The following SGCE variants were observed in gnomAD, a reference collection of about 807,000 sequenced individuals.
The protein encoded by SGCE is epsilon-sarcoglycan.
A neutral mutation model predicts 57.8 loss-of-function variants in SGCE; 26 were observed. The observed-to-expected ratio is 0.45, with a 90% CI of 0.33 to 0.62. The LOEUF is 0.62. SGCE is among the 20% of genes least tolerant of loss of function. The pLI is 0.02. For missense variants in SGCE, 468 were observed against 548.6 expected (o/e 0.85, Z 1.47); for synonymous variants, 183 against 189.5 (o/e 0.97, Z 0.28).
chr7:94,588,356 C>T, intron 10 of SGCE: 3 of 1,125,360 alleles, frequency 2.7e-6, no homozygotes, highest in Non-Finnish European at 3.3e-6. Flanking sequence ...TGAGACAAAT[C>T]CTGGATGCAT....
chr7:94,597,276 A>G (rs1308478582), intron 9 of SGCE: 1 of 152,206 alleles, frequency 6.6e-6, no homozygotes, highest in Non-Finnish European at 1.5e-5. Context: ...ACACATGCAC[A>G]TAAACAGGCA....
At chr7:94,637,779 C>A (rs1212578339) in intron 1 of SGCE, among the ~76,000 whole-genome samples, 1 of 152,114 alleles carries the variant, frequency 6.6e-6, no homozygotes, top group African/African-American at 2.4e-5. Context: ...AGAGGAAAGA[C>A]TGAAGAAAAG....
intron 5 of SGCE, among the ~76,000 whole-genome samples, chr7:94,607,435 G>A (rs1380789794): frequency 1.3e-5 from 2 of 152,244 alleles, no homozygotes; most frequent in African/African-American, 4.8e-5. Context: ...ATTCAACAAT[G>A]TATAAAAGGA....
chr7:94,647,398 C>T (rs2117079648), intron 1 of SGCE, among the ~76,000 whole-genome samples: 1 of 152,260 alleles, frequency 6.6e-6, no homozygotes, highest in East Asian at 1.9e-4. Flanking sequence ...TCCCCATCAC[C>T]ACGCTAGCCC....
chr7:94,613,767 A>G (rs1801432170), intron 5 of SGCE, among the ~76,000 whole-genome samples: 1 of 152,174 alleles, frequency 6.6e-6, no homozygotes, highest in Admixed American at 6.5e-5. Context: ...TTTTATGTAT[A>G]TAGAAGATAA....
At chr7:94,599,964 G>T (rs764593929) in intron 7 of SGCE, 3 of 376,064 alleles carry the variant, frequency 8.0e-6, no homozygotes, top group Non-Finnish European at 1.4e-5. Flanking sequence ...TCAAGGCCTT[G>T]ATTGAAATAA....
chr7:94,585,889 C>T (rs62465728), intron 10 of SGCE, among the ~76,000 whole-genome samples: 1 of 151,598 alleles, frequency 6.6e-6, no homozygotes, highest in East Asian at 1.9e-4. Context: ...ATGAGAAAAC[C>T]TGAAGGGGCA....
chr7:94,650,579 G>A (rs1350821748), intron 1 of SGCE, among the ~76,000 whole-genome samples: 1 of 151,200 alleles, frequency 6.6e-6, no homozygotes, highest in Non-Finnish European at 1.5e-5. Flanking sequence ...AACACATAGG[G>A]CTATTTAGAC....
intron 5 of SGCE, among the ~76,000 whole-genome samples, chr7:94,612,336 CA>C (rs1397274708): frequency 1.3e-5 from 2 of 151,946 alleles, no homozygotes; most frequent in Admixed American, 1.3e-4. Context: ...TTTATATTGC[CA>C]AAAGAACTAT....
At chr7:94,592,230 G>T (rs1299282908) in intron 9 of SGCE, among the ~76,000 whole-genome samples, 2 of 152,140 alleles carry the variant, frequency 1.3e-5, no homozygotes, top group African/African-American at 4.8e-5. Flanking sequence ...GAGTTGAAGG[G>T]ACATACTTTA....
rs762635627 is a variant in SGCE at position 94,599,435 on chromosome 7, A to C, written c.1064+262T>G. On this transcript the variant is annotated intron_variant, in intron 8 of 10. Coordinates refer to ENST00000648936, the MANE Select transcript of SGCE (RefSeq NM_003919.3). The stretch of plus-strand genomic sequence containing the variant: ...AGAAATGCAGATTGGAAATCACATA[A>C]TATAAATGGTAAGTTAATATTCTGA... 1.3e-5 allele frequency: 6 copies of C among 467,282 alleles called. No individual in the cohort carries two copies. The East Asian group carries it at 2.1e-4, about 17-fold the overall frequency. The allele number at this position is 467,282 out of a possible 1,614,324, so 28.9% of individuals were successfully genotyped here.
At chr7:94,619,324 A>G in intron 4 of SGCE, 1 of 182,486 alleles carries the variant, frequency 5.5e-6, no homozygotes, top group South Asian at 1.1e-4. Context: ...AAAATCAATT[A>G]TATGTCCAAA....
At chr7:94,613,456 G>A (rs1318396267) in intron 5 of SGCE, among the ~76,000 whole-genome samples, 1 of 152,140 alleles carries the variant, frequency 6.6e-6, no homozygotes, top group Non-Finnish European at 1.5e-5. Flanking sequence ...TGAGACAGGA[G>A]GCTATTATCA....
intron 4 of SGCE, chr7:94,619,537 T>C (rs1802451287): frequency 6.6e-6 from 1 of 152,306 alleles, no homozygotes; most frequent in Non-Finnish European, 1.5e-5. Context: ...AATTCAGCCT[T>C]TCAATATGAG....
chr7:94,612,113 G>A (rs969793265), intron 5 of SGCE, among the ~76,000 whole-genome samples: 1 of 152,118 alleles, frequency 6.6e-6, no homozygotes, highest in African/African-American at 2.4e-5. Context: ...TAAGGACCGA[G>A]ATTAAATGAA....
At chr7:94,599,990 G>A in intron 7 of SGCE, 1 of 341,218 alleles carries the variant, frequency 2.9e-6, no homozygotes, top group Non-Finnish European at 5.3e-6. Flanking sequence ...ATGACATAAT[G>A]AAATCAAGCT....
At chr7:94,636,636 A>C (rs906754376) in intron 1 of SGCE, among the ~76,000 whole-genome samples, 14 of 152,212 alleles carry the variant, frequency 9.2e-5, no homozygotes, top group Non-Finnish European at 1.9e-4. Flanking sequence ...TCCATAGTCC[A>C]TATCTGGAGT....
intron 10 of SGCE, chr7:94,586,703 T>C: frequency 7.0e-6 from 2 of 285,400 alleles, no homozygotes; most frequent in Non-Finnish European, 1.0e-5. Context: ...GGCTTCGCCA[T>C]GTCGGGCAGG....
intron 1 of SGCE, among the ~76,000 whole-genome samples, chr7:94,643,182 G>T (rs757062643): frequency 6.6e-5 from 10 of 152,136 alleles, no homozygotes; most frequent in Admixed American, 1.3e-4. Flanking sequence ...CTATTTAAAG[G>T]ATTTACTAGG....
Sources: allele counts gnomAD v4.1 joint callset (sites outside exome capture counted in the v4.1 genomes callset), GRCh38; gene constraint gnomAD v4.1.1; transcripts MANE v1.5; gene names NCBI Gene and HGNC (gene_info 2026-07-23, HGNC 2026-07-21).